FAF1: variants seen among roughly 807,000 people sequenced by gnomAD.
FAF1 encodes the protein Fas associated factor 1, also known as FAS-associated factor 1.
A neutral mutation model predicts 92.5 loss-of-function variants in FAF1; 25 were observed. The ratio of observed to expected loss-of-function variants is 0.27; its 90% CI spans 0.20 to 0.38. FAF1 has a LOEUF of 0.38. FAF1 is among the 10% of genes least tolerant of loss of function. The probability of loss-of-function intolerance (pLI) is 1.00; values close to 1 mark genes in which losing one functional copy is unlikely to be tolerated. For synonymous variants in FAF1, 234 were observed against 273.2 expected (o/e 0.86, Z 1.42); for missense variants, 636 against 793.3 (o/e 0.80, Z 2.38).
At chr1:50,609,793 GA>G (rs71769751) in intron 8 of FAF1, among the ~76,000 whole-genome samples, 35,359 of 141,054 alleles carry the variant, frequency 0.25, 4,510 homozygotes, top group Middle Eastern at 0.44. Context: ...TTGAATTATG[GA>G]AAAAAAAAAA....
intron 8 of FAF1, among the ~76,000 whole-genome samples, chr1:50,633,866 C>T (rs962391151): frequency 3.9e-5 from 6 of 152,162 alleles, no homozygotes; most frequent in Admixed American, 3.9e-4. Context: ...CTCTTTTATA[C>T]ATCTGAATCC....
In FAF1 at chr1:50,440,743, A is replaced by C. The variant is rs547652888; in HGVS notation, c.*697T>G. The C allele has an allele frequency of 1.3e-5, 2 of 152,370 alleles. No homozygotes were observed. Among genetic ancestry groups the C allele is most frequent in the Admixed American group, 6.5e-5 (1 of 15,306 alleles). 9.4% of individuals were successfully genotyped at this position (152,370 alleles called of 1,614,324 possible). On this transcript the variant is annotated 3_prime_UTR_variant, in exon 19 of 19. Coordinates refer to ENST00000396153, the MANE Select transcript of FAF1 (RefSeq NM_007051.3). Reference sequence around the variant, plus strand: ...TACTGGCCTCTCTGCACATGATCTCAACATTCACATTGTGTGCTTGAACAG... The same window carrying C: ...TACTGGCCTCTCTGCACATGATCTCCACATTCACATTGTGTGCTTGAACAG...
At chr1:50,739,628 T>A (rs563037865) in intron 5 of FAF1, among the ~76,000 whole-genome samples, 2 of 152,246 alleles carry the variant, frequency 1.3e-5, no homozygotes, top group East Asian at 3.9e-4. Context: ...TGGCAAAAAT[T>A]GGCAATATAG....
At chr1:50,914,738 A>T (rs1446040424) in intron 1 of FAF1, among the ~76,000 whole-genome samples, 1 of 152,228 alleles carries the variant, frequency 6.6e-6, no homozygotes, top group Non-Finnish European at 1.5e-5. Flanking sequence ...TAGAAGGGAC[A>T]ATGTGCTATA....
At chr1:50,832,224 CTG>C (rs1644161213) in intron 2 of FAF1, among the ~76,000 whole-genome samples, 1 of 152,164 alleles carries the variant, frequency 6.6e-6, no homozygotes, top group South Asian at 2.1e-4. Flanking sequence ...CGCAGAAAAA[CTG>C]TTGTCTATAA....
At position 50,567,222 on chromosome 1, in the gene FAF1, G is replaced by T; in HGVS notation, c.1123C>A (p.Leu375Ile). 1 of 1,595,288 alleles carries T rather than the reference G, an allele frequency of 6.3e-7. No individual in the cohort carries two copies. The change falls in exon 13 of 19, where the codon CTT (leucine) becomes ATT (isoleucine). Residue 375 changes from leucine to isoleucine, a missense_variant. Physicochemically the swap from Leu to Ile is conservative, Grantham distance 5. Transcript: ENST00000396153. ...TCATCATGGTGGAGGTAGATAGCAA[G>T]AAGCTTTCTCTGAAAAGAGGAGAAA... ...FYVKARDRKL[L>I]AIYLHHDESV...
chr1:50,730,725 T>C (rs898259119), intron 6 of FAF1, among the ~76,000 whole-genome samples: 2 of 152,226 alleles, frequency 1.3e-5, no homozygotes, highest in African/African-American at 2.4e-5. Context: ...AATAAGAACT[T>C]AGAGGCATCC....
chr1:50,464,225 T>C (rs1426124600), intron 18 of FAF1, among the ~76,000 whole-genome samples: 1 of 152,198 alleles, frequency 6.6e-6, no homozygotes, highest in Admixed American at 6.5e-5. Context: ...CAGGCTGGTC[T>C]TGAACTCCTG....
intron 1 of FAF1, among the ~76,000 whole-genome samples, chr1:50,949,433 C>A (rs1167220482): frequency 6.6e-6 from 1 of 152,206 alleles, no homozygotes; most frequent in Non-Finnish European, 1.5e-5. Flanking sequence ...CTAGTAGCAG[C>A]CCGAAGCTGT....
At chr1:50,636,479 G>A (rs889081809) in intron 8 of FAF1, among the ~76,000 whole-genome samples, 3 of 141,324 alleles carry the variant, frequency 2.1e-5, no homozygotes, top group African/African-American at 5.4e-5. Flanking sequence ...TATGCCTCCC[G>A]GGCTCAAGCG....
intron 12 of FAF1, among the ~76,000 whole-genome samples, chr1:50,581,998 G>T (rs1188243397): frequency 1.5e-5 from 2 of 137,916 alleles, no homozygotes; most frequent in Non-Finnish European, 3.1e-5. Flanking sequence ...TCTTCTTATA[G>T]ACTTCAAGAT....
chr1:50,517,899 A>G (rs1176340917), intron 15 of FAF1, among the ~76,000 whole-genome samples: 1 of 152,246 alleles, frequency 6.6e-6, no homozygotes, highest in Non-Finnish European at 1.5e-5. Flanking sequence ...AAATGAAAGA[A>G]CAATAAAATT....
At chr1:50,774,752 G>C (rs1024538219) in intron 4 of FAF1, among the ~76,000 whole-genome samples, 1 of 151,980 alleles carries the variant, frequency 6.6e-6, no homozygotes, top group Non-Finnish European at 1.5e-5. Context: ...CTAGATCTTA[G>C]AGATCTAACA....
At chr1:50,460,617 GTGTGTGTT>G (rs1179319150) in intron 18 of FAF1, among the ~76,000 whole-genome samples, 2 of 152,054 alleles carry the variant, frequency 1.3e-5, no homozygotes, top group Admixed American at 6.6e-5. Flanking sequence ...GTGTGTGTGT[GTGTGTGTT>G]TGTGTATATA....
intron 17 of FAF1, 58 bp from the exon 18 acceptor site, chr1:50,475,737 G>T: frequency 8.5e-7 from 1 of 1,182,146 alleles, no homozygotes; most frequent in Non-Finnish European, 1.2e-6. Flanking sequence ...ATGGAGAGTG[G>T]GGAGGAAGAC....
At chr1:50,770,847 C>A (rs373001905) in intron 4 of FAF1, among the ~76,000 whole-genome samples, 4 of 152,136 alleles carry the variant, frequency 2.6e-5, no homozygotes, top group African/African-American at 7.2e-5. Flanking sequence ...ACCACATTAC[C>A]CAACTTCAAA....
At chr1:50,542,366 G>A (rs1169631393) in intron 13 of FAF1, among the ~76,000 whole-genome samples, 1 of 152,136 alleles carries the variant, frequency 6.6e-6, no homozygotes, top group Non-Finnish European at 1.5e-5. Context: ...TCATGGCTAG[G>A]AGACTCTGCT....
At chr1:50,936,111 A>G (rs1404709714) in intron 1 of FAF1, among the ~76,000 whole-genome samples, 4 of 152,208 alleles carry the variant, frequency 2.6e-5, no homozygotes, top group African/African-American at 4.8e-5. Flanking sequence ...CAACAAGCTC[A>G]AAATTAACTA....
intron 8 of FAF1, among the ~76,000 whole-genome samples, chr1:50,601,958 G>A (rs959302617): frequency 1.3e-5 from 2 of 151,990 alleles, no homozygotes; most frequent in African/African-American, 4.8e-5. Context: ...CCTGTTATGG[G>A]ACCTTGGGTC....
Sources: gnomAD v4.1 joint callset for allele counts (sites outside exome capture counted in the v4.1 genomes callset) on GRCh38, gnomAD v4.1.1 for gene constraint, MANE v1.5 for transcripts, NCBI Gene and HGNC (gene_info 2026-07-23, HGNC 2026-07-21) for gene names.